PCDHA4: variants seen among roughly 807,000 people sequenced by gnomAD.
PCDHA4 encodes protocadherin alpha 4.
A neutral mutation model predicts 61.4 loss-of-function variants in PCDHA4; 49 were observed. That is an observed-to-expected ratio of 0.80 (90% confidence interval 0.63 to 1.01). PCDHA4 has a LOEUF of 1.01. PCDHA4 is among the 50% of genes least tolerant of loss of function. The pLI, the probability that PCDHA4 is intolerant of heterozygous loss-of-function variation, is 0.00. For missense variants in PCDHA4, 1,254 were observed against 1,235.8 expected (o/e 1.01, Z -0.22); for synonymous variants, 590 against 550.3 (o/e 1.07, Z -1.01).
At chr5:140,815,322 T>C (rs2126663063) in intron 1 of PCDHA4, 6 of 152,124 alleles carry the variant, frequency 3.9e-5, no homozygotes, top group African/African-American at 1.4e-4. Flanking sequence ...ATGCTATGTT[T>C]TTGTTCCTTT....
intron 1 of PCDHA4, chr5:140,865,407 G>A (rs2048863469): frequency 6.6e-6 from 1 of 152,160 alleles, no homozygotes; most frequent in Non-Finnish European, 1.5e-5. Flanking sequence ...TGCTGAAAAG[G>A]AATTAGTAGT....
chr5:140,894,852 T>C (rs1366360589), intron 1 of PCDHA4, among the ~76,000 whole-genome samples: 2 of 152,200 alleles, frequency 1.3e-5, no homozygotes, highest in African/African-American at 2.4e-5. Flanking sequence ...CATTTTTATA[T>C]GAAAAGTGCT....
chr5:140,985,494 C>G (rs1217361161), intron 3 of PCDHA4, among the ~76,000 whole-genome samples: 2 of 152,136 alleles, frequency 1.3e-5, no homozygotes, highest in Non-Finnish European at 2.9e-5. Flanking sequence ...TCAAATAGAG[C>G]CTGCCTTTCA....
intron 3 of PCDHA4, among the ~76,000 whole-genome samples, chr5:141,007,393 TAC>T (rs2098323171): frequency 8.5e-5 from 2 of 23,408 alleles, no homozygotes; most frequent in East Asian, 1.4e-3. Flanking sequence ...TCTACTAAAA[TAC>T]AAAAAAAAAA....
intron 1 of PCDHA4, among the ~76,000 whole-genome samples, chr5:140,833,272 CTTAT>C (rs1464609454): frequency 1.3e-5 from 2 of 152,102 alleles, no homozygotes; most frequent in Non-Finnish European, 2.9e-5. Flanking sequence ...ATTATAAAAA[CTTAT>C]TTAGGAAAGC....
chr5:140,879,740 T>G (rs1337276853), intron 1 of PCDHA4, among the ~76,000 whole-genome samples: 1 of 152,200 alleles, frequency 6.6e-6, no homozygotes, highest in East Asian at 1.9e-4. Flanking sequence ...ATCAAGGTGT[T>G]GTCAAGGCTA....
At chr5:140,968,229 TC>T in intron 1 of PCDHA4, 2 of 1,613,970 alleles carry the variant, frequency 1.2e-6, no homozygotes, top group Non-Finnish European at 1.7e-6. Flanking sequence ...GGTGTGTTGC[TC>T]TGTACTGTGC....
chr5:140,825,114 T>C (rs1037237517), intron 1 of PCDHA4: 1 of 151,798 alleles, frequency 6.6e-6, no homozygotes, highest in Non-Finnish European at 1.5e-5. Context: ...ACAAATAAAC[T>C]TCCCTACCCC....
intron 1 of PCDHA4, among the ~76,000 whole-genome samples, chr5:140,970,926 G>A (rs1179837731): frequency 6.6e-6 from 1 of 152,154 alleles, no homozygotes; most frequent in Non-Finnish European, 1.5e-5. Flanking sequence ...AGAAGTGCCT[G>A]GTGTTAGTCA....
intron 1 of PCDHA4, among the ~76,000 whole-genome samples, chr5:140,903,156 T>G (rs1287323901): frequency 6.6e-6 from 1 of 152,232 alleles, no homozygotes; most frequent in Non-Finnish European, 1.5e-5. Flanking sequence ...CCATAGTGGT[T>G]GTGCTGGTTT....
At chr5:140,858,133 C>A in intron 1 of PCDHA4, 2 of 1,597,688 alleles carry the variant, frequency 1.3e-6, no homozygotes, top group Non-Finnish European at 1.7e-6. Context: ...TGGATGTCAA[C>A]GTGTACCTGA....
intron 1 of PCDHA4, chr5:140,870,708 C>A (rs781841032): frequency 1.9e-6 from 3 of 1,613,016 alleles, no homozygotes; most frequent in East Asian, 4.5e-5. Context: ...TCCAGGTGAG[C>A]GCGCGCGATG....
rs781871079 is a variant in PCDHA4, at chr5:140,857,427, C to T, written c.2385+47855C>T. 3 of 1,598,334 alleles carry T rather than the reference C, an allele frequency of 1.9e-6. No individual in the cohort carries two copies. In the East Asian group the frequency reaches 6.7e-5, roughly 36 times the overall value. ...CCTGCGTTCGCGCAGTCCGAGTACA[C>T]GGTGTTCGTGAAGGAGAACAACCCG... On this transcript the variant is annotated intron_variant, in intron 1 of 3. Coordinates refer to ENST00000530339, the MANE Select transcript of PCDHA4 (RefSeq NM_018907.4).
At chr5:140,995,903 G>A (rs1554254885) in intron 3 of PCDHA4, among the ~76,000 whole-genome samples, 2 of 152,206 alleles carry the variant, frequency 1.3e-5, no homozygotes, top group East Asian at 1.9e-4. Flanking sequence ...ATGTATAAAA[G>A]AGGAGAGACC....
intron 1 of PCDHA4, among the ~76,000 whole-genome samples, chr5:140,910,741 A>G (rs1349649150): frequency 1.3e-5 from 2 of 152,142 alleles, no homozygotes; most frequent in African/African-American, 2.4e-5. Flanking sequence ...AACCAAGCAC[A>G]TAAATTATCA....
At chr5:140,902,066 T>C (rs2069077660) in intron 1 of PCDHA4, among the ~76,000 whole-genome samples, 1 of 152,202 alleles carries the variant, frequency 6.6e-6, no homozygotes, top group Admixed American at 6.5e-5. Flanking sequence ...GCAACTTTAC[T>C]GAATTTATTG....
At chr5:140,841,353 C>A (rs1777171223) in intron 1 of PCDHA4, 2 of 1,612,606 alleles carry the variant, frequency 1.2e-6, no homozygotes, top group African/African-American at 2.7e-5. Context: ...GAGCTGGGAT[C>A]CTGGCGACTA....
In PCDHA4 at chr5:140,855,796, A is replaced by G. The variant is rs140328724; in HGVS notation, c.2385+46224A>G. 580 of 464,912 alleles carry G rather than the reference A, an allele frequency of 1.2e-3. 24 individuals carry two copies. The highest frequency in any genetic ancestry group is 0.011 in the African/African-American group (538 of 50,868). 28.8% of individuals were successfully genotyped at this position (464,912 alleles called of 1,614,324 possible). On this transcript the variant is annotated intron_variant, in intron 1 of 3. Transcript: ENST00000530339. ...AAATACGTAAAAAAAGAATTAACAT[A>G]TGAATGAAAGAAAAGTTGTGAACTC...
chr5:140,876,313 A>T, intron 1 of PCDHA4: 1 of 1,614,022 alleles, frequency 6.2e-7, no homozygotes, highest in East Asian at 2.2e-5. Flanking sequence ...TTCCTATGGG[A>T]TCAAAATGAT....
Sources: gnomAD v4.1 joint callset for allele counts (sites outside exome capture counted in the v4.1 genomes callset) on GRCh38, gnomAD v4.1.1 for gene constraint, MANE v1.5 for transcripts, NCBI Gene and HGNC (gene_info 2026-07-23, HGNC 2026-07-21) for gene names.